EYS: variants seen among roughly 807,000 people sequenced by gnomAD.
The protein encoded by EYS is EGF-like photoreceptor maintenance factor, also known as protein eyes shut homolog.
In EYS, 250 loss-of-function variants were observed where a neutral mutation model predicts 282.1. The observed-to-expected ratio is 0.89, with a 90% CI of 0.80 to 0.98. EYS has a LOEUF of 0.98. Ranked by LOEUF, EYS falls within the 50% of genes least tolerant of loss-of-function variation. EYS has a pLI of 0.00. For missense variants in EYS, 4,016 were observed against 3,709.0 expected (o/e 1.08, Z -2.15); for synonymous variants, 1,355 against 1,282.9 (o/e 1.06, Z -1.20).
chr6:65,531,454 A>C (rs1767765922), intron 2 of EYS, among the ~76,000 whole-genome samples: 1 of 152,174 alleles, frequency 6.6e-6, no homozygotes, highest in Non-Finnish European at 1.5e-5. Flanking sequence ...GCAAGAAAGA[A>C]GATACAGTGT....
chr6:64,962,970 G>GT (rs1206244978), intron 14 of EYS, among the ~76,000 whole-genome samples: 5 of 152,184 alleles, frequency 3.3e-5, no homozygotes, highest in African/African-American at 1.2e-4. Flanking sequence ...CTGTATTACT[G>GT]TACTCAGGAC....
At chr6:65,143,497 A>G (rs1346770839) in intron 12 of EYS, among the ~76,000 whole-genome samples, 1 of 152,078 alleles carries the variant, frequency 6.6e-6, no homozygotes, top group Non-Finnish European at 1.5e-5. Flanking sequence ...GATTTAGATA[A>G]CAAAAATATT....
chr6:63,962,125 CTTAGATG>C (rs1221362248), intron 35 of EYS, among the ~76,000 whole-genome samples: 1 of 152,174 alleles, frequency 6.6e-6, no homozygotes, highest in African/African-American at 2.4e-5. Flanking sequence ...GGATTAAAGA[CTTAGATG>C]TTAGACCAAA....
intron 30 of EYS, among the ~76,000 whole-genome samples, chr6:64,274,961 T>C (rs958693961): frequency 6.6e-6 from 1 of 152,192 alleles, no homozygotes; most frequent in African/African-American, 2.4e-5. Flanking sequence ...CTGAACGTGA[T>C]TTCAGCTGTT....
intron 1 of EYS, 108 bp downstream of exon 1, chr6:65,707,027 G>C (rs1769903851): frequency 1.3e-5 from 2 of 152,118 alleles, no homozygotes; most frequent in African/African-American, 4.8e-5. Context: ...ACTGGTTAAA[G>C]AAATGCTTAT....
At chr6:65,626,920 C>T (rs1233248401) in intron 2 of EYS, among the ~76,000 whole-genome samples, 2 of 151,888 alleles carry the variant, frequency 1.3e-5, no homozygotes, top group Admixed American at 1.3e-4. Context: ...CACACACACA[C>T]ACAAAAAACT....
At chr6:63,822,795 T>A (rs996596808) in intron 36 of EYS, among the ~76,000 whole-genome samples, 1 of 152,218 alleles carries the variant, frequency 6.6e-6, no homozygotes, top group African/African-American at 2.4e-5. Flanking sequence ...TAATAATAGT[T>A]ATACTAGGCA....
rs577147192 is a variant in EYS, at chr6:64,707,378, A to G, written c.3444-81133T>C. 5.8e-4 allele frequency among the ~76,000 whole-genome samples: 89 copies of G among 152,202 alleles called. 2 individuals are homozygous for G. In the South Asian group the frequency reaches 0.018, roughly 31 times the overall value. ...GCAATAGGGTGAGGGATAAAAGACT[A>G]CATATTGGGGGCCAGGCATGGTGGC... On this transcript the variant is annotated intron_variant, in intron 22 of 42. Coordinates refer to ENST00000503581, the MANE Select transcript of EYS (RefSeq NM_001142800.2).
At chr6:64,230,523 T>A in intron 31 of EYS, 69 bp downstream of exon 31, 1 of 1,121,870 alleles carries the variant, frequency 8.9e-7, no homozygotes, top group Non-Finnish European at 1.3e-6. Context: ...TACAATACAT[T>A]TCAACTCCTG....
At chr6:65,464,413 A>G (rs1764923906) in intron 5 of EYS, among the ~76,000 whole-genome samples, 1 of 152,190 alleles carries the variant, frequency 6.6e-6, no homozygotes, top group African/African-American at 2.4e-5. Flanking sequence ...GTAGTGCATG[A>G]TAAGATATCT....
intron 31 of EYS, among the ~76,000 whole-genome samples, chr6:64,220,408 GGCAGCT>G (rs774861502): frequency 1.3e-5 from 2 of 151,984 alleles, no homozygotes; most frequent in Non-Finnish European, 2.9e-5. Context: ...TTCCTTCTTG[GGCAGCT>G]GCTTTCTAAT....
At position 65,399,113 on chromosome 6, in the gene EYS, TTCCCTTGGGAACATAC is replaced by T. The variant is rs573345314; in HGVS notation, c.1184+3349_1184+3364del. 4.1e-3 allele frequency among the ~76,000 whole-genome samples: 624 copies of T among 152,176 alleles called. 5 individuals carry two copies. The highest frequency in any genetic ancestry group is 0.014 in the African/African-American group (591 of 41,552). ...ATAGTAGCTTTCTAGCTGGTCTCCC[TTCCCTTGGGAACATAC>T]ACCTACACTCTATTTAATAAAATTG... On this transcript the variant is annotated intron_variant, in intron 7 of 42. Transcript: ENST00000503581.
chr6:63,830,906 A>G (rs1461121124), intron 36 of EYS, among the ~76,000 whole-genome samples: 2 of 152,256 alleles, frequency 1.3e-5, no homozygotes, highest in Non-Finnish European at 2.9e-5. Flanking sequence ...AGTGGAGGCC[A>G]GTATTCAACA....
At chr6:65,004,746 T>A in intron 13 of EYS, among the ~76,000 whole-genome samples, 1 of 147,416 alleles carries the variant, frequency 6.8e-6, no homozygotes, top group East Asian at 2.1e-4. Context: ...CATAAAGGCA[T>A]CCAATTTATT....
chr6:64,590,449 C>G lies in EYS; in HGVS notation c.5418G>C (p.Thr1806=), dbSNP rs550696465. The part of the protein sequence containing the change: ...VSATPALSIQ[T]SSSMSVIRPD... ...GCCTAATTACAGACATGGAGGAAGA[C>G]GTCTGTATTGAAAGTGCTGGAGTTG... Residue 1806 remains threonine, a synonymous_variant, in exon 26 of 43, where the codon ACG becomes ACC. Coordinates refer to ENST00000503581, the MANE Select transcript of EYS (RefSeq NM_001142800.2). 6.4e-7 allele frequency: 1 copy of G among 1,551,078 alleles called. No homozygotes were observed. The highest frequency in any genetic ancestry group is 1.4e-5 in the African/African-American group (1 of 73,110).
chr6:65,175,718 T>A (rs1351308352), intron 12 of EYS, among the ~76,000 whole-genome samples: 1 of 151,590 alleles, frequency 6.6e-6, no homozygotes. Flanking sequence ...TGGATCATGA[T>A]GAAATAATAT....
At chr6:65,236,506 G>A (rs947163722) in intron 12 of EYS, among the ~76,000 whole-genome samples, 39 of 152,070 alleles carry the variant, frequency 2.6e-4, no homozygotes, top group Non-Finnish European at 2.9e-5. Flanking sequence ...AGCCACTAGG[G>A]AGGCCGAGGC....
intron 35 of EYS, among the ~76,000 whole-genome samples, chr6:63,876,056 G>A (rs1034105639): frequency 6.6e-6 from 1 of 152,020 alleles, no homozygotes; most frequent in African/African-American, 2.4e-5. Flanking sequence ...TCTTTTAATT[G>A]TGTTGTTAGG....
chr6:64,489,526 A>T (rs1210123426), intron 26 of EYS, among the ~76,000 whole-genome samples: 1 of 147,554 alleles, frequency 6.8e-6, no homozygotes, highest in Non-Finnish European at 1.5e-5. Context: ...ATATTAAAAT[A>T]TCAATATAAA....
Sources: allele counts gnomAD v4.1 joint callset (sites outside exome capture counted in the v4.1 genomes callset), GRCh38; gene constraint gnomAD v4.1.1; transcripts MANE v1.5; gene names NCBI Gene and HGNC (gene_info 2026-07-23, HGNC 2026-07-21).